The following SYNDIG1L variants were observed in gnomAD, a reference collection of about 807,000 sequenced individuals.
SYNDIG1L encodes the protein synapse differentiation-inducing gene protein 1-like.
In SYNDIG1L, 13 loss-of-function variants were observed where a neutral mutation model predicts 20.1. The ratio of observed to expected loss-of-function variants is 0.65; its 90% CI spans 0.42 to 1.03. The LOEUF (loss-of-function observed/expected upper bound fraction) is 1.03, where lower values mean the gene tolerates loss of function less well. Among genes scored for constraint, SYNDIG1L ranks in the 50% least tolerant of loss-of-function variants. SYNDIG1L has a pLI of 0.00. For missense variants in SYNDIG1L, 294 were observed against 305.1 expected, an observed-to-expected ratio of 0.96 and a Z score of 0.27; for synonymous variants, 128 against 129.3, an observed-to-expected ratio of 0.99 and a Z score of 0.07.
the SYNDIG1L span, among the ~76,000 whole-genome samples, chr14:74,452,159 A>C: frequency 1.3e-5 from 2 of 152,196 alleles, no homozygotes; most frequent in Admixed American, 6.6e-5. Context: ...GGAAGCACAA[A>C]TTGAAACCAC....
chr14:74,429,103 T>C (rs1028311672), upstream of SYNDIG1L, among the ~76,000 whole-genome samples: 4 of 152,128 alleles, frequency 2.6e-5, no homozygotes, highest in African/African-American at 9.7e-5. Context: ...CCTCCCATCT[T>C]GTCTTGATTA....
chr14:74,431,651 C>T, the SYNDIG1L span, among the ~76,000 whole-genome samples: 1 of 152,020 alleles, frequency 6.6e-6, no homozygotes, highest in Non-Finnish European at 1.5e-5. Context: ...TTTTTTCCCC[C>T]ACTGTCTACC....
the SYNDIG1L span, among the ~76,000 whole-genome samples, chr14:74,439,344 C>T: frequency 7.9e-5 from 12 of 152,150 alleles, no homozygotes; most frequent in Non-Finnish European, 1.2e-4. Flanking sequence ...AACAACACAC[C>T]TTAAGTCATA....
chr14:74,445,212 T>C, the SYNDIG1L span, among the ~76,000 whole-genome samples: 2 of 152,140 alleles, frequency 1.3e-5, no homozygotes, highest in African/African-American at 4.8e-5. Flanking sequence ...CTTCACCTTC[T>C]GCCATGATTG....
In SYNDIG1L at chr14:74,409,728, T is replaced by G. The variant is rs1407970963; in HGVS notation, c.17A>C (p.Glu6Ala). MESLSELQNPLLPRSP... is the reference protein window; with the variant it reads MESLSALQNPLLPRSP... Reference sequence around the variant, plus strand: ...CCTGGGCAGCAGCGGGTTCTGTAGTTCACTCAGACTCTCCATGGTTCTGGG... The same window carrying G: ...CCTGGGCAGCAGCGGGTTCTGTAGTGCACTCAGACTCTCCATGGTTCTGGG... Residue 6 changes from glutamate to alanine, a missense_variant, in exon 2 of 4, where the codon GAA becomes GCA. Glu to Ala is a moderately radical substitution (Grantham distance 107, BLOSUM62 -1). Coordinates refer to ENST00000331628, the MANE Select transcript of SYNDIG1L (RefSeq NM_001105579.2). 1 of 1,458,064 alleles carries G rather than the reference T, an allele frequency of 6.9e-7. No homozygotes were observed. Among genetic ancestry groups the G allele is most frequent in the Non-Finnish European group, 9.1e-7 (1 of 1,103,356 alleles). The allele number at this position is 1,458,064 out of a possible 1,614,324, so 90.3% of individuals were successfully genotyped here. A position where few individuals can be genotyped will look rare whatever the true frequency, so the allele number is the denominator to read the frequency against.
At chr14:74,434,421 G>C in the SYNDIG1L span, among the ~76,000 whole-genome samples, 2 of 152,126 alleles carry the variant, frequency 1.3e-5, no homozygotes, top group East Asian at 3.9e-4. Flanking sequence ...ATTTCTAAAG[G>C]ATTATGTTCT....
chr14:74,408,044 G>A lies in SYNDIG1L; in HGVS notation c.418-55C>T, dbSNP rs1426963666. On this transcript the variant is annotated intron_variant, in intron 2 of 3. Coordinates refer to ENST00000331628, the MANE Select transcript of SYNDIG1L (RefSeq NM_001105579.2). ...CCCAGGATCAGCCCAGCCCCATCAG[G>A]CTGGCAAGAGGTTTTTTAAAAGGCA... 2.6e-6 allele frequency: 4 copies of A among 1,532,718 alleles called. No homozygotes were observed. In the African/African-American group the frequency reaches 5.6e-5, roughly 21 times the overall value. 94.9% of individuals were successfully genotyped at this position (1,532,718 alleles called of 1,614,324 possible).
chr14:74,408,550 C>A (rs557806683), intron 2 of SYNDIG1L, among the ~76,000 whole-genome samples: 3 of 140,298 alleles, frequency 2.1e-5, no homozygotes, highest in East Asian at 2.0e-4. Flanking sequence ...GGCGACAGAG[C>A]GAGACTCCAT....
the SYNDIG1L span, among the ~76,000 whole-genome samples, chr14:74,447,459 C>T: frequency 3.0e-4 from 45 of 152,014 alleles, no homozygotes; most frequent in African/African-American, 8.2e-4. Context: ...TGGTGGCGCA[C>T]GCCTGTAATC....
the SYNDIG1L span, among the ~76,000 whole-genome samples, chr14:74,454,024 A>G: frequency 4.6e-3 from 707 of 152,286 alleles, no homozygotes; most frequent in Non-Finnish European, 6.0e-3. Flanking sequence ...CAAAGAAAGA[A>G]GGAAATAAGA....
At chr14:74,415,980 A>C (rs557736782) in intron 1 of SYNDIG1L, among the ~76,000 whole-genome samples, 1 of 152,350 alleles carries the variant, frequency 6.6e-6, no homozygotes, top group South Asian at 2.1e-4. Context: ...AGACAAAGAT[A>C]GTCATATAGT....
Position 74,424,895 on chromosome 14 carries a change from G to A in SYNDIG1L, c.-58+1017C>T, listed in dbSNP as rs77010911. 3.3e-5 allele frequency among the ~76,000 whole-genome samples: 5 copies of A among 152,250 alleles called. No homozygotes were observed. In the East Asian group the frequency reaches 9.7e-4, roughly 29 times the overall value. Reference sequence around the variant, plus strand: ...GACCTTATCCCCACTCCAGGGGTGAGGAGGATGAGGTTGAAAGAGCTTAGG... The same window carrying A: ...GACCTTATCCCCACTCCAGGGGTGAAGAGGATGAGGTTGAAAGAGCTTAGG... On this transcript the variant is annotated intron_variant, in intron 1 of 3. Coordinates refer to ENST00000331628, the MANE Select transcript of SYNDIG1L (RefSeq NM_001105579.2).
rs1261785761 is a variant in SYNDIG1L at position 74,409,631 on chromosome 14, G to C, written c.114C>G (p.Leu38=). Residue 38 remains leucine (L), a synonymous_variant, in exon 2 of 4, where the codon CTC becomes CTG. Coordinates refer to ENST00000331628, the MANE Select transcript of SYNDIG1L (RefSeq NM_001105579.2). ...CAGCGCCACCTAGGAGGTAGGAGTA[G>C]AGCTTTTCCTGGCAGGACCAGCTGG... ...TPPSWSCQEK[L]YSYLLGGAGP... 1 of 1,497,594 alleles carries C rather than the reference G, an allele frequency of 6.7e-7. No individual in the cohort carries two copies. The highest frequency in any genetic ancestry group is 1.4e-5 in the African/African-American group (1 of 70,910). The allele number at this position is 1,497,594 out of a possible 1,614,324, so 92.8% of individuals were successfully genotyped here.
rs757896362 is a variant in SYNDIG1L at position 74,409,320 on chromosome 14, G to A, written c.417+8C>T. 6.6e-7 allele frequency: 1 copy of A among 1,508,732 alleles called. No homozygotes were observed. The highest frequency in any genetic ancestry group is 2.4e-5 in the East Asian group (1 of 41,768). The allele number at this position is 1,508,732 out of a possible 1,614,324, so 93.5% of individuals were successfully genotyped here. ...GCTGGAATCTGCATTTTAACCTCATGCACTCACCTCCTCTTCCTCCTGGTC... is the reference window on the plus strand; with the variant it reads ...GCTGGAATCTGCATTTTAACCTCATACACTCACCTCCTCTTCCTCCTGGTC... On this transcript the variant is annotated splice_region_variant and intron_variant, in intron 2 of 3. Coordinates refer to ENST00000331628, the MANE Select transcript of SYNDIG1L (RefSeq NM_001105579.2).
At chr14:74,436,326 T>G in the SYNDIG1L span, among the ~76,000 whole-genome samples, 1 of 151,836 alleles carries the variant, frequency 6.6e-6, no homozygotes, top group African/African-American at 2.4e-5. Context: ...CCTCCTTGGC[T>G]CAAGCAATCC....
intron 1 of SYNDIG1L, among the ~76,000 whole-genome samples, 181 bp downstream of exon 1, chr14:74,425,731 C>T (rs1385070327): frequency 6.6e-6 from 1 of 152,166 alleles, no homozygotes; most frequent in East Asian, 1.9e-4. Flanking sequence ...CCTCCCAGCA[C>T]CCCCAGCCTG....
chr14:74,435,610 C>T, the SYNDIG1L span, among the ~76,000 whole-genome samples: 2 of 152,122 alleles, frequency 1.3e-5, no homozygotes, highest in Admixed American at 6.5e-5. Context: ...TTTTTACCTC[C>T]GTAATATGCA....
the SYNDIG1L span, among the ~76,000 whole-genome samples, chr14:74,442,287 A>G: frequency 1.3e-5 from 2 of 152,218 alleles, no homozygotes; most frequent in African/African-American, 4.8e-5. Context: ...TAAGATGGTA[A>G]CTGTGACAAG....
the SYNDIG1L span, among the ~76,000 whole-genome samples, chr14:74,446,140 C>G: frequency 2.0e-5 from 3 of 152,140 alleles, no homozygotes; most frequent in Non-Finnish European, 2.9e-5. Flanking sequence ...AGAAGCAACT[C>G]AAATAATTGA....
Sources: gnomAD v4.1 joint callset for allele counts (sites outside exome capture counted in the v4.1 genomes callset) on GRCh38, gnomAD v4.1.1 for gene constraint, MANE v1.5 for transcripts, NCBI Gene and HGNC (gene_info 2026-07-23, HGNC 2026-07-21) for gene names.